Variants in IL1RAPL2 observed in about 807,000 individuals in gnomAD.
IL1RAPL2 encodes the protein X-linked interleukin-1 receptor accessory protein-like 2.
IL1RAPL2 carries 3 observed loss-of-function variants against 44.1 expected under a neutral mutation model. The ratio of observed to expected loss-of-function variants is 0.07; its 90% CI spans 0.03 to 0.18. IL1RAPL2 has a LOEUF of 0.18. IL1RAPL2 is among the 10% of genes least tolerant of loss of function. The pLI is 1.00. For missense variants in IL1RAPL2, 391 were observed against 496.4 expected (o/e 0.79, Z 2.02); for synonymous variants, 181 against 178.8 (o/e 1.01, Z -0.10).
chrX:105,454,062 T>C (rs761356570), intron 5 of IL1RAPL2, among the ~76,000 whole-genome samples: 1 of 111,182 alleles, frequency 9.0e-6, no homozygotes, highest in Non-Finnish European at 1.9e-5. Flanking sequence ...GATGTCAGCA[T>C]ACGAAGCAAA....
chrX:105,173,142 G>C lies in IL1RAPL2; in HGVS notation c.83-22333G>C, dbSNP rs1004088387. Among the ~76,000 whole-genome samples the C allele has an allele frequency of 3.6e-5, 4 of 110,960 alleles. No individual in the cohort carries two copies. In the Admixed American group the frequency reaches 3.8e-4, roughly 11 times the overall value. On this transcript the variant is annotated intron_variant, in intron 2 of 10. Transcript: ENST00000372582. ...CATCCCCAAGTCTTCTAAAAACAGA[G>C]TATGCAGAGCTGTCCTCCCCACCTG...
chrX:105,732,470 C>A (rs914440081), intron 7 of IL1RAPL2, among the ~76,000 whole-genome samples: 3 of 110,172 alleles, frequency 2.7e-5, no homozygotes, highest in African/African-American at 9.9e-5. Flanking sequence ...CTCCCCACCC[C>A]TCTCTTCCTC....
At chrX:105,669,462 A>G (rs940200123) in intron 6 of IL1RAPL2, among the ~76,000 whole-genome samples, 10 of 111,966 alleles carry the variant, frequency 8.9e-5, no homozygotes, top group African/African-American at 3.2e-4. Flanking sequence ...TTCTTAGAAG[A>G]TAAACTCAAG....
intron 6 of IL1RAPL2, among the ~76,000 whole-genome samples, chrX:105,544,453 G>A (rs1295804653): frequency 5.5e-5 from 6 of 109,047 alleles, no homozygotes; most frequent in African/African-American, 2.0e-4. Context: ...CCTTAGCTAG[G>A]ATCTCTTGTA....
At chrX:104,827,099 T>C (rs1921475038) in intron 2 of IL1RAPL2, among the ~76,000 whole-genome samples, 3 of 110,054 alleles carry the variant, frequency 2.7e-5, no homozygotes, top group South Asian at 8.0e-4. Context: ...TCTTTGACTT[T>C]TAATTGGGGC....
chrX:104,772,984 A>G (rs943633892), intron 2 of IL1RAPL2, among the ~76,000 whole-genome samples: 1 of 111,033 alleles, frequency 9.0e-6, no homozygotes, highest in Non-Finnish European at 1.9e-5. Context: ...CACACAGCTC[A>G]CTGCAGCCTC....
intron 5 of IL1RAPL2, among the ~76,000 whole-genome samples, chrX:105,325,905 C>T (rs898540972): frequency 5.4e-5 from 6 of 110,686 alleles, no homozygotes; most frequent in Admixed American, 4.8e-4. Context: ...GGTCCTTTGA[C>T]CATTTTTTAA....
intron 2 of IL1RAPL2, among the ~76,000 whole-genome samples, chrX:104,931,997 T>TA (rs1491095072): frequency 0.019 from 434 of 23,444 alleles, 1 homozygote; most frequent in African/African-American, 0.054. Flanking sequence ...TATATATATA[T>TA]TTTTTTTTTT....
chrX:104,696,398 T>G (rs971652523), intron 2 of IL1RAPL2, among the ~76,000 whole-genome samples: 3 of 112,053 alleles, frequency 2.7e-5, no homozygotes, highest in African/African-American at 9.7e-5. Context: ...ACTTAGGAGC[T>G]TATTAGAAAT....
chrX:104,897,025 A>T (rs761514560), intron 2 of IL1RAPL2, among the ~76,000 whole-genome samples: 1 of 111,926 alleles, frequency 8.9e-6, no homozygotes, highest in Admixed American at 9.5e-5. Context: ...TGAACTCTGG[A>T]CACACCATCT....
chrX:105,690,217 TAAC>T (rs2038023860), intron 6 of IL1RAPL2, among the ~76,000 whole-genome samples: 1 of 111,039 alleles, frequency 9.0e-6, no homozygotes, highest in Non-Finnish European at 1.9e-5. Flanking sequence ...TAAAGTATAA[TAAC>T]AAAAATTTTT....
At position 104,626,627 on chromosome X, in the gene IL1RAPL2, A is replaced by T. The variant is rs1169304429; in HGVS notation, c.-19-32268A>T. Among the ~76,000 whole-genome samples the T allele has an allele frequency of 2.7e-5, 3 of 110,543 alleles. No individual in the cohort carries two copies. The South Asian group carries it at 1.2e-3, about 43-fold the overall frequency. ...ATACAGATCAGTGTGCTCAATAAAAAATCCTGCCAACTTTTCTATCTGTAA... is the reference window on the plus strand; with the variant it reads ...ATACAGATCAGTGTGCTCAATAAAATATCCTGCCAACTTTTCTATCTGTAA... On this transcript the variant is annotated intron_variant, in intron 1 of 10. Transcript: ENST00000372582.
chrX:105,470,875 G>T (rs1373920893), intron 5 of IL1RAPL2, among the ~76,000 whole-genome samples: 2 of 111,379 alleles, frequency 1.8e-5, no homozygotes, highest in Non-Finnish European at 3.8e-5. Context: ...CTGATGCTCT[G>T]TATCTCTATC....
chrX:105,569,579 G>A (rs1011869729), intron 6 of IL1RAPL2, among the ~76,000 whole-genome samples: 1 of 111,600 alleles, frequency 9.0e-6, no homozygotes, highest in Non-Finnish European at 1.9e-5. Flanking sequence ...TGATATGGAA[G>A]CATATTTCAA....
chrX:105,182,066 A>AG (rs1270148305), intron 2 of IL1RAPL2, among the ~76,000 whole-genome samples: 1 of 105,676 alleles, frequency 9.5e-6, no homozygotes, highest in Non-Finnish European at 2.0e-5. Flanking sequence ...GACTCTGTCA[A>AG]AAAAAAAAAA....
At chrX:105,703,988 A>G (rs764565222) in intron 6 of IL1RAPL2, among the ~76,000 whole-genome samples, 1 of 112,233 alleles carries the variant, frequency 8.9e-6, no homozygotes, top group Non-Finnish European at 1.9e-5. Context: ...AAGCTAGTTT[A>G]GTTCATTAAT....
intron 2 of IL1RAPL2, among the ~76,000 whole-genome samples, chrX:104,762,042 G>C (rs1222486781): frequency 9.6e-6 from 1 of 104,095 alleles, no homozygotes; most frequent in African/African-American, 3.5e-5. Context: ...CTGTCACCCA[G>C]GCTGGAGTGC....
intron 5 of IL1RAPL2, among the ~76,000 whole-genome samples, chrX:105,365,951 CTT>C (rs201975389): frequency 2.1e-5 from 2 of 97,551 alleles, no homozygotes; most frequent in Non-Finnish European, 2.1e-5. Context: ...TAATTTCTTT[CTT>C]TTTTTTTTTT....
chrX:104,579,473 C>T (rs1422401294), intron 1 of IL1RAPL2, among the ~76,000 whole-genome samples: 1 of 111,719 alleles, frequency 9.0e-6, no homozygotes, highest in Admixed American at 9.5e-5. Context: ...AGGCCATTAT[C>T]CTAAGCAAAC....
Sources: gnomAD v4.1 joint callset for allele counts (sites outside exome capture counted in the v4.1 genomes callset) on GRCh38, gnomAD v4.1.1 for gene constraint, MANE v1.5 for transcripts, NCBI Gene and HGNC (gene_info 2026-07-23, HGNC 2026-07-21) for gene names.